Variants in GALNT14 observed in about 807,000 individuals in gnomAD.
GALNT14 encodes UDP-GalNAc:polypeptide N-acetylgalactosaminyltransferase 14.
Under a neutral mutation model 77.5 loss-of-function variants are expected in GALNT14, and 60 were observed. The ratio of observed to expected loss-of-function variants is 0.77; its 90% confidence interval spans 0.63 to 0.96. GALNT14 has a LOEUF of 0.96. Among genes scored for constraint, GALNT14 ranks in the 40% least tolerant of loss-of-function variants. The pLI, the probability that GALNT14 is intolerant of heterozygous loss-of-function variation, is 0.00. For missense variants in GALNT14, 710 were observed against 731.0 expected (o/e 0.97, Z 0.33); for synonymous variants, 280 against 281.7 (o/e 0.99, Z 0.06).
At chr2:30,954,850 T>G (rs1667259605) in intron 6 of GALNT14, among the ~76,000 whole-genome samples, 1 of 152,170 alleles carries the variant, frequency 6.6e-6, no homozygotes, top group Admixed American at 6.5e-5. Context: ...TCCTCTTTAG[T>G]GAAGTGGGTA....
intron 1 of GALNT14, among the ~76,000 whole-genome samples, chr2:31,067,619 C>A (rs1053409667): frequency 6.6e-6 from 1 of 152,138 alleles, no homozygotes; most frequent in Non-Finnish European, 1.5e-5. Context: ...TCAGTTTACC[C>A]AGTTTCAAAG....
At chr2:30,996,625 T>C (rs1245811110) in intron 1 of GALNT14, among the ~76,000 whole-genome samples, 1 of 152,228 alleles carries the variant, frequency 6.6e-6, no homozygotes, top group Non-Finnish European at 1.5e-5. Flanking sequence ...CTGGTTTCCC[T>C]ACAGGGCAGC....
intron 6 of GALNT14, among the ~76,000 whole-genome samples, chr2:30,946,829 T>C (rs1354916444): frequency 2.6e-5 from 4 of 152,132 alleles, no homozygotes; most frequent in Non-Finnish European, 5.9e-5. Flanking sequence ...TGCAGATGAA[T>C]AGTCACAAAT....
chr2:30,923,457 CA>C (rs960551471), intron 13 of GALNT14, among the ~76,000 whole-genome samples: 2 of 152,022 alleles, frequency 1.3e-5, no homozygotes, highest in Non-Finnish European at 2.9e-5. Context: ...AAGACTGTCC[CA>C]AAAAACATGG....
At chr2:30,959,686 A>G (rs1315071484) in intron 3 of GALNT14, among the ~76,000 whole-genome samples, 1 of 152,240 alleles carries the variant, frequency 6.6e-6, no homozygotes, top group Non-Finnish European at 1.5e-5. Flanking sequence ...ATTTTTTATT[A>G]TCACTTAATT....
chr2:31,023,810 C>T (rs1573184253), intron 1 of GALNT14, among the ~76,000 whole-genome samples: 1 of 152,208 alleles, frequency 6.6e-6, no homozygotes, highest in Non-Finnish European at 1.5e-5. Context: ...CCCCTCATCA[C>T]TCTCCTCCTC....
chr2:31,074,399 T>C lies in GALNT14; in HGVS notation c.129+63559A>G, dbSNP rs528347396. Among the ~76,000 whole-genome samples the C allele has an allele frequency of 5.9e-3, 610 of 103,260 alleles. 6 individuals are homozygous for C. Among genetic ancestry groups the C allele is most frequent in the African/African-American group, 0.026 (564 of 21,394 alleles). The allele number at this position is 103,260 out of a possible 152,430, so 67.7% of individuals were successfully genotyped here. ...AGGGGTTCAACAGCCCCCGTGCATC[T>C]TTGGGGGATTTTTTTTTTTGCTTAA... is the stretch of plus-strand genomic sequence containing the variant. On this transcript the variant is annotated intron_variant, in intron 1 of 14. Coordinates refer to ENST00000349752, the MANE Select transcript of GALNT14 (RefSeq NM_024572.4).
intron 2 of GALNT14, among the ~76,000 whole-genome samples, chr2:30,976,197 G>T (rs1369518305): frequency 2.6e-5 from 4 of 152,162 alleles, no homozygotes; most frequent in South Asian, 2.1e-4. Context: ...TGCTGCTCAG[G>T]ATAGCAAGTT....
chr2:30,944,295 C>T (rs1666557197), intron 8 of GALNT14, among the ~76,000 whole-genome samples: 1 of 152,212 alleles, frequency 6.6e-6, no homozygotes, highest in Non-Finnish European at 1.5e-5. Context: ...CCACAATATG[C>T]TGTGGGTCAC....
At chr2:30,980,152 C>T (rs918435775) in intron 2 of GALNT14, among the ~76,000 whole-genome samples, 2 of 152,238 alleles carry the variant, frequency 1.3e-5, no homozygotes, top group African/African-American at 4.8e-5. Flanking sequence ...TTGTTCTCAG[C>T]TCCACTGTGA....
chr2:31,064,159 C>T (rs778748676), intron 1 of GALNT14, among the ~76,000 whole-genome samples: 1 of 152,148 alleles, frequency 6.6e-6, no homozygotes, highest in Non-Finnish European at 1.5e-5. Flanking sequence ...GCTGCAAATG[C>T]TTGATTTGAG....
In GALNT14 at chr2:30,988,194, C is replaced by T. The variant is rs539982468; in HGVS notation, c.299+4644G>A. 4.7e-4 allele frequency among the ~76,000 whole-genome samples: 72 copies of T among 152,312 alleles called. 1 individual carries two copies. The highest frequency in any genetic ancestry group is 1.7e-3 in the African/African-American group (71 of 41,562). Reference sequence around the variant, plus strand: ...TTCAACATTTATTGAATTCCTATCACACACAAGGAAAGCACTGTAGGAGAT... The same window carrying T: ...TTCAACATTTATTGAATTCCTATCATACACAAGGAAAGCACTGTAGGAGAT... On this transcript the variant is annotated intron_variant, in intron 2 of 14. Transcript: ENST00000349752.
the GALNT14 span, among the ~76,000 whole-genome samples, chr2:30,903,276 AAC>A: frequency 1.3e-5 from 2 of 152,258 alleles, no homozygotes; most frequent in African/African-American, 4.8e-5. Context: ...CTTAGAATAT[AAC>A]AGTTCCTGTG....
chr2:31,129,569 C>A, intron 1 of GALNT14: 6 of 985,332 alleles, frequency 6.1e-6, no homozygotes, highest in Non-Finnish European at 7.2e-6. Context: ...GCCTGATCTC[C>A]CTGAGATCCT....
intron 14 of GALNT14, among the ~76,000 whole-genome samples, chr2:30,911,674 A>G (rs556863208): frequency 8.5e-5 from 13 of 152,352 alleles, no homozygotes; most frequent in African/African-American, 2.9e-4. Context: ...ATGGACATCC[A>G]GAGAGGTCCA....
At chr2:31,032,762 T>A (rs1007913160) in intron 1 of GALNT14, among the ~76,000 whole-genome samples, 1 of 152,156 alleles carries the variant, frequency 6.6e-6, no homozygotes, top group African/African-American at 2.4e-5. Flanking sequence ...TACTGCTGAG[T>A]GATCACGGGT....
intron 1 of GALNT14, among the ~76,000 whole-genome samples, chr2:31,027,697 T>C (rs529148308): frequency 9.2e-5 from 14 of 152,306 alleles, no homozygotes; most frequent in African/African-American, 3.1e-4. Flanking sequence ...TTCGTGCTTA[T>C]GTTTATCATC....
At chr2:31,095,612 G>A (rs1416284727) in intron 1 of GALNT14, among the ~76,000 whole-genome samples, 3 of 152,060 alleles carry the variant, frequency 2.0e-5, no homozygotes. Context: ...GGTAGTGCAG[G>A]CTGGCTACAG....
At chr2:30,980,386 C>T (rs1039079794) in intron 2 of GALNT14, among the ~76,000 whole-genome samples, 8 of 152,236 alleles carry the variant, frequency 5.3e-5, no homozygotes, top group African/African-American at 1.9e-4. Context: ...GTGACTGCAG[C>T]AGGCCCCAGC....
Sources: gnomAD v4.1 joint callset for allele counts (sites outside exome capture counted in the v4.1 genomes callset) on GRCh38, gnomAD v4.1.1 for gene constraint, MANE v1.5 for transcripts, NCBI Gene and HGNC (gene_info 2026-07-23, HGNC 2026-07-21) for gene names.